The following GRIK4 variants were observed in gnomAD, a reference collection of about 807,000 sequenced individuals.
GRIK4 encodes the protein glutamate ionotropic receptor kainate type subunit 4.
Under a neutral mutation model 104.9 loss-of-function variants are expected in GRIK4, and 40 were observed. The ratio of observed to expected loss-of-function variants is 0.38; its 90% CI spans 0.30 to 0.50. GRIK4 has a LOEUF of 0.50. Ranked by LOEUF, GRIK4 falls within the 20% of genes least tolerant of loss-of-function variation. GRIK4 has a pLI of 0.93. For missense variants in GRIK4, 1,047 were observed against 1,308.1 expected (o/e 0.80, Z 3.08); for synonymous variants, 485 against 524.9 (o/e 0.92, Z 1.04).
intron 8 of GRIK4, among the ~76,000 whole-genome samples, chr11:120,837,617 G>A (rs1398180016): frequency 6.6e-6 from 1 of 151,660 alleles, no homozygotes; most frequent in Non-Finnish European, 1.5e-5. Context: ...CAGAAATAGA[G>A]CATTACCAGC....
chr11:120,523,162 A>G (rs1947815545), intron 1 of GRIK4, among the ~76,000 whole-genome samples: 1 of 148,806 alleles, frequency 6.7e-6, no homozygotes, highest in South Asian at 2.2e-4. Flanking sequence ...AGGCAACTAG[A>G]TGGAGGAAGC....
intron 9 of GRIK4, among the ~76,000 whole-genome samples, chr11:120,864,390 G>C (rs1210167311): frequency 6.6e-6 from 1 of 151,948 alleles, no homozygotes; most frequent in Non-Finnish European, 1.5e-5. Flanking sequence ...ACAGGTGCCC[G>C]CCACCGTGCC....
intron 1 of GRIK4, among the ~76,000 whole-genome samples, chr11:120,629,730 T>C (rs1015170973): frequency 4.6e-5 from 7 of 152,224 alleles, no homozygotes; most frequent in Non-Finnish European, 1.0e-4. Flanking sequence ...GTTGTTTGTA[T>C]TGACAGCACC....
At chr11:120,601,636 T>C (rs1267585746) in intron 1 of GRIK4, among the ~76,000 whole-genome samples, 3 of 142,760 alleles carry the variant, frequency 2.1e-5, no homozygotes, top group African/African-American at 7.9e-5. Context: ...TCTGTTGTTG[T>C]TGTGTGTGTG....
At chr11:120,978,340 G>T (rs1944595613) in intron 19 of GRIK4, among the ~76,000 whole-genome samples, 1 of 152,220 alleles carries the variant, frequency 6.6e-6, no homozygotes, top group Non-Finnish European at 1.5e-5. Context: ...AGAGAAGGCA[G>T]CCTGGAGGAA....
intron 1 of GRIK4, among the ~76,000 whole-genome samples, chr11:120,514,733 C>T (rs543459895): frequency 3.7e-4 from 56 of 152,270 alleles, no homozygotes; most frequent in African/African-American, 1.2e-3. Context: ...GTGGAAAGAA[C>T]GGCTGGGTTC....
At chr11:120,882,445 G>A (rs1170450579) in intron 11 of GRIK4, among the ~76,000 whole-genome samples, 1 of 152,160 alleles carries the variant, frequency 6.6e-6, no homozygotes, top group African/African-American at 2.4e-5. Context: ...AGACCTCCGT[G>A]GGCCAGCTGA....
chr11:120,695,669 G>A (rs1950435729), intron 3 of GRIK4, among the ~76,000 whole-genome samples: 1 of 151,058 alleles, frequency 6.6e-6, no homozygotes, highest in Admixed American at 6.6e-5. Context: ...TTGTTAGTGA[G>A]GCTGAGGTCC....
In GRIK4 at chr11:120,986,030, C is replaced by CCA. The variant is rs1313057753; in HGVS notation, c.2642_2643insAC (p.Thr884AlafsTer172). On this transcript the variant is annotated frameshift_variant, in exon 21 of 21. Coordinates refer to ENST00000527524, the MANE Select transcript of GRIK4 (RefSeq NM_014619.5). LOFTEE classifies it high-confidence loss of function. ...GCCCCCCATCCCCGAGGAGCGCCGA[C>CCA]CGCGGGGCACGGCGACGCTCAGCAA... 6.6e-7 allele frequency: 1 copy of CCA among 1,524,696 alleles called. No homozygotes were observed. Among genetic ancestry groups the CCA allele is most frequent in the East Asian group, 2.6e-5 (1 of 38,260 alleles). 94.4% of individuals were successfully genotyped at this position (1,524,696 alleles called of 1,614,324 possible). A position where few individuals can be genotyped will look rare whatever the true frequency, so the allele number is the denominator to read the frequency against.
At chr11:120,770,013 A>C (rs1256123834) in intron 3 of GRIK4, among the ~76,000 whole-genome samples, 2 of 152,206 alleles carry the variant, frequency 1.3e-5, no homozygotes, top group African/African-American at 4.8e-5. Flanking sequence ...CCTCACTTCC[A>C]GGTAACACCC....
chr11:120,806,045 G>A (rs1952705131), intron 4 of GRIK4, among the ~76,000 whole-genome samples: 1 of 152,204 alleles, frequency 6.6e-6, no homozygotes, highest in Admixed American at 6.5e-5. Context: ...TTGTAAAATG[G>A]GAGTGATGGT....
chr11:120,727,596 G>T (rs1479579349), intron 3 of GRIK4, among the ~76,000 whole-genome samples: 25 of 151,988 alleles, frequency 1.6e-4, no homozygotes, highest in Admixed American at 1.6e-3. Flanking sequence ...AAGCACACCA[G>T]AAACTCATGC....
At chr11:120,844,811 G>A (rs187072306) in intron 8 of GRIK4, among the ~76,000 whole-genome samples, 1 of 152,334 alleles carries the variant, frequency 6.6e-6, no homozygotes, top group African/African-American at 2.4e-5. Context: ...GGATCCAAGA[G>A]ACACAATTTC....
At position 120,903,885 on chromosome 11, in the gene GRIK4, A is replaced by C. The variant is rs762528718; in HGVS notation, c.1273-1405A>C. On this transcript the variant is annotated intron_variant, in intron 12 of 20. Transcript: ENST00000527524. This position sits in a 1 kb window ranked among gnomAD's most constrained non-coding sequence, Gnocchi z 4.4. ...CTGCCTTCAAAAGGTCGGCAGTGACACATGATCAACACGCTGGTTCCCAGC... is the reference window on the plus strand; with the variant it reads ...CTGCCTTCAAAAGGTCGGCAGTGACCCATGATCAACACGCTGGTTCCCAGC... Among the ~76,000 whole-genome samples, 11 of 152,126 alleles carry C rather than the reference A, an allele frequency of 7.2e-5. No homozygotes were observed. The highest frequency in any genetic ancestry group is 1.0e-4 in the Non-Finnish European group (7 of 68,024).
In GRIK4 at chr11:120,940,171, T is replaced by C. The variant is rs981815372; in HGVS notation, c.1477-176T>C. The stretch of plus-strand genomic sequence containing the variant: ...ACATGAGTTATAGCTTCAATATCCA[T>C]GTACTTTTATGAGTGATCATTCAGA... On this transcript the variant is annotated intron_variant, in intron 13 of 20. Coordinates refer to ENST00000527524, the MANE Select transcript of GRIK4 (RefSeq NM_014619.5). The surrounding 1 kb of genome is among the most constrained non-coding windows in gnomAD (Gnocchi z 4.3). 6.6e-6 allele frequency among the ~76,000 whole-genome samples: 1 copy of C among 152,172 alleles called. No homozygotes were observed. Among genetic ancestry groups the C allele is most frequent in the Non-Finnish European group, 1.5e-5 (1 of 68,048 alleles).
At chr11:120,838,217 G>T (rs1349976402) in intron 8 of GRIK4, among the ~76,000 whole-genome samples, 1 of 152,194 alleles carries the variant, frequency 6.6e-6, no homozygotes, top group Non-Finnish European at 1.5e-5. Context: ...GTCAAGTCCT[G>T]ACTCAGCCTT....
intron 11 of GRIK4, among the ~76,000 whole-genome samples, chr11:120,891,250 G>A (rs1955284070): frequency 6.6e-6 from 1 of 152,184 alleles, no homozygotes; most frequent in African/African-American, 2.4e-5. Flanking sequence ...ACTGCAGCCT[G>A]GAAGGAATCT....
intron 8 of GRIK4, among the ~76,000 whole-genome samples, chr11:120,837,618 C>T (rs995150308): frequency 6.6e-6 from 1 of 151,982 alleles, no homozygotes; most frequent in Non-Finnish European, 1.5e-5. Flanking sequence ...AGAAATAGAG[C>T]ATTACCAGCA....
chr11:120,597,895 C>T (rs558801151), intron 1 of GRIK4, among the ~76,000 whole-genome samples: 1 of 152,230 alleles, frequency 6.6e-6, no homozygotes, highest in East Asian at 1.9e-4. Flanking sequence ...GACTCCTGTT[C>T]CGAGCCCTAA....
Sources: gnomAD v4.1 joint callset for allele counts (sites outside exome capture counted in the v4.1 genomes callset) on GRCh38, gnomAD v4.1.1 for gene constraint, Gnocchi (gnomAD v3.1) non-coding constraint, MANE v1.5 for transcripts, NCBI Gene and HGNC (gene_info 2026-07-23, HGNC 2026-07-21) for gene names.